Variants in RBFOX1 observed in about 807,000 individuals in gnomAD.
RBFOX1 encodes RNA binding fox-1 homolog 1.
A neutral mutation model predicts 57.7 loss-of-function variants in RBFOX1; 8 were observed. The observed-to-expected ratio is 0.14, with a 90% CI of 0.08 to 0.25. The LOEUF is 0.25. Ranked by LOEUF, RBFOX1 falls within the 10% of genes least tolerant of loss-of-function variation. RBFOX1 has a pLI of 1.00. For synonymous variants in RBFOX1, 326 were observed against 222.4 expected (o/e 1.47, Z -4.15); for missense variants, 611 against 548.5 (o/e 1.11, Z -1.14).
chr16:6,102,322 TAAGA>T (rs955866578), intron 1 of RBFOX1, among the ~76,000 whole-genome samples: 1 of 152,176 alleles, frequency 6.6e-6, no homozygotes, highest in Non-Finnish European at 1.5e-5. Flanking sequence ...AGGTCTGTAG[TAAGA>T]GTTTGTTAAT....
intron 13 of RBFOX1, among the ~76,000 whole-genome samples, chr16:7,668,661 A>AAC (rs34133804): frequency 0.41 from 61,046 of 150,226 alleles, 12,724 homozygotes; most frequent in East Asian, 0.6. Flanking sequence ...AACAGAACAG[A>AAC]ACACACACAC....
chr16:7,108,664 A>G (rs2064062118), intron 4 of RBFOX1, among the ~76,000 whole-genome samples: 1 of 152,136 alleles, frequency 6.6e-6, no homozygotes, highest in Non-Finnish European at 1.5e-5. Context: ...GTTTAAAGCA[A>G]TGCAACAATT....
At chr16:7,396,653 A>G (rs2098143235) in intron 4 of RBFOX1, among the ~76,000 whole-genome samples, 1 of 152,214 alleles carries the variant, frequency 6.6e-6, no homozygotes, top group Admixed American at 6.5e-5. Flanking sequence ...AAAACACAGC[A>G]GGTGGGCTGA....
At chr16:7,296,941 T>C (rs1039986538) in intron 4 of RBFOX1, among the ~76,000 whole-genome samples, 5 of 152,118 alleles carry the variant, frequency 3.3e-5, no homozygotes, top group Non-Finnish European at 5.9e-5. Flanking sequence ...AGTATAGGTA[T>C]GTGTAAAGGT....
rs1474409612 is a variant in RBFOX1 at position 5,317,720 on chromosome 16, T to C, written c.219+77615T>C. 2.0e-5 allele frequency among the ~76,000 whole-genome samples: 3 copies of C among 152,254 alleles called. No homozygotes were observed. In the East Asian group the frequency reaches 5.8e-4, roughly 29 times the overall value. ...AGAAATGTTTGTTTTCTTTTGTTTC[T>C]TCTCGTGATCAGGCATTGCTTTGCG... On this transcript the variant is annotated intron_variant, in intron 1 of 2. Coordinates refer to the RBFOX1 transcript ENST00000585867.
In RBFOX1 at chr16:5,946,285, G is replaced by C. The variant is rs558572517; in HGVS notation, c.351+78950G>C. 6.6e-6 allele frequency among the ~76,000 whole-genome samples: 1 copy of C among 152,174 alleles called. No individual in the cohort carries two copies. Among genetic ancestry groups the C allele is most frequent in the Non-Finnish European group, 1.5e-5 (1 of 68,028 alleles). On this transcript the variant is annotated intron_variant, in intron 4 of 19. Transcript: ENST00000641259. This position sits in a 1 kb window ranked among gnomAD's most constrained non-coding sequence, Gnocchi z 4.6. ...ATCTGTAAAAGGGACACAATCATAG[G>C]ACCTCCCTCATAGGGTTATTTGAGG...
intron 1 of RBFOX1, among the ~76,000 whole-genome samples, chr16:6,021,260 A>G (rs2095070044): frequency 6.6e-6 from 1 of 152,082 alleles, no homozygotes; most frequent in Admixed American, 6.6e-5. Flanking sequence ...TTGACAGCCC[A>G]AGTTTAGGAC....
intron 3 of RBFOX1, among the ~76,000 whole-genome samples, chr16:6,860,022 C>G (rs1019291892): frequency 1.3e-5 from 2 of 152,096 alleles, no homozygotes; most frequent in Non-Finnish European, 2.9e-5. Context: ...GAGTTAACAC[C>G]ACAAGGGTAC....
At chr16:6,719,320 G>C (rs1042547901) in intron 3 of RBFOX1, among the ~76,000 whole-genome samples, 2 of 152,012 alleles carry the variant, frequency 1.3e-5, no homozygotes, top group African/African-American at 4.8e-5. Context: ...CTTAGACAAA[G>C]CAATCACATC....
intron 4 of RBFOX1, chr16:7,423,137 A>G (rs1896655620): frequency 6.6e-6 from 1 of 150,746 alleles, no homozygotes; most frequent in Admixed American, 6.6e-5. Context: ...GAGAATATGA[A>G]TATGGGTCCA....
intron 4 of RBFOX1, among the ~76,000 whole-genome samples, chr16:5,891,310 T>C (rs2058040296): frequency 6.6e-6 from 1 of 152,182 alleles, no homozygotes; most frequent in African/African-American, 2.4e-5. Flanking sequence ...GTGCACCAGC[T>C]GATCGCAGCA....
chr16:5,245,239 G>A (rs1336529936), intron 1 of RBFOX1, among the ~76,000 whole-genome samples: 3 of 152,128 alleles, frequency 2.0e-5, no homozygotes, highest in African/African-American at 4.8e-5. Context: ...AAGGACTTAC[G>A]GACCTATCAG....
intron 4 of RBFOX1, among the ~76,000 whole-genome samples, chr16:5,893,712 A>G (rs2058096109): frequency 6.6e-6 from 1 of 152,028 alleles, no homozygotes; most frequent in African/African-American, 2.4e-5. Context: ...AGGCTGAGAC[A>G]TAAGAATTGC....
At chr16:7,413,608 C>A (rs998957841) in intron 4 of RBFOX1, among the ~76,000 whole-genome samples, 2 of 152,040 alleles carry the variant, frequency 1.3e-5, no homozygotes, top group East Asian at 3.9e-4. Flanking sequence ...CCCTGCCTGC[C>A]CCTTTGCTTG....
intron 3 of RBFOX1, among the ~76,000 whole-genome samples, chr16:5,629,103 TG>T (rs1405037430): frequency 4.7e-5 from 5 of 106,902 alleles, no homozygotes; most frequent in African/African-American, 7.8e-5. Context: ...AAAGTGATGC[TG>T]TAAAAAGAAG....
At chr16:6,426,085 C>CCTCT (rs145432245) in intron 2 of RBFOX1, among the ~76,000 whole-genome samples, 336 of 141,548 alleles carry the variant, frequency 2.4e-3, no homozygotes, top group African/African-American at 8.3e-3. Context: ...TCATTTTCTC[C>CCTCT]CTCTCTCTCT....
intron 3 of RBFOX1, among the ~76,000 whole-genome samples, chr16:6,789,859 G>A (rs2082607173): frequency 6.6e-6 from 1 of 151,820 alleles, no homozygotes; most frequent in South Asian, 2.1e-4. Flanking sequence ...TAAGTGGTTA[G>A]CTACTTTTTT....
intron 4 of RBFOX1, among the ~76,000 whole-genome samples, chr16:7,232,070 G>A (rs908832298): frequency 6.6e-6 from 1 of 152,086 alleles, no homozygotes; most frequent in African/African-American, 2.4e-5. Flanking sequence ...CTGTCACCCA[G>A]GCTAGATTGC....
intron 2 of RBFOX1, among the ~76,000 whole-genome samples, chr16:6,543,341 A>C (rs1287673704): frequency 6.6e-6 from 1 of 152,022 alleles, no homozygotes; most frequent in Non-Finnish European, 1.5e-5. Flanking sequence ...ACACAATGGA[A>C]GGGCAGATTT....
Sources: allele counts gnomAD v4.1 joint callset (sites outside exome capture counted in the v4.1 genomes callset), GRCh38; gene constraint gnomAD v4.1.1; non-coding constraint Gnocchi (gnomAD v3.1); transcripts MANE v1.5; gene names NCBI Gene and HGNC (gene_info 2026-07-23, HGNC 2026-07-21).